The following ELP3 variants were observed in gnomAD, a reference collection of about 807,000 sequenced individuals.
ELP3 encodes elongator complex protein 3.
In ELP3, 56 loss-of-function variants were observed where a neutral mutation model predicts 74.9. The ratio of observed to expected loss-of-function variants is 0.75; its 90% CI spans 0.60 to 0.93. The LOEUF (loss-of-function observed/expected upper bound fraction) is 0.93, where lower values mean the gene tolerates loss of function less well. ELP3 is among the 40% of genes least tolerant of loss of function. The probability of loss-of-function intolerance (pLI) is 0.00; values close to 1 mark genes in which losing one functional copy is unlikely to be tolerated. For missense variants in ELP3, 573 were observed against 686.5 expected, an observed-to-expected ratio of 0.83 and a Z score of 1.85; for synonymous variants, 222 against 239.8, an observed-to-expected ratio of 0.93 and a Z score of 0.68.
At chr8:28,170,826 T>G (rs1049044629) in intron 14 of ELP3, among the ~76,000 whole-genome samples, 1 of 152,190 alleles carries the variant, frequency 6.6e-6, no homozygotes. Context: ...ATCACCATTA[T>G]TTCTAAAATT....
At chr8:28,158,710 C>G in intron 12 of ELP3, 77 bp downstream of exon 12, 1 of 1,174,704 alleles carries the variant, frequency 8.5e-7, no homozygotes, top group East Asian at 2.3e-5. Flanking sequence ...ATATTCTTAA[C>G]CAAGGACAGA....
rs1338869430 is a variant in ELP3, at chr8:28,147,755, AGCC to A, written c.1101-8186_1101-8184del. 6.6e-6 allele frequency among the ~76,000 whole-genome samples: 1 copy of A among 152,176 alleles called. No homozygotes were observed. Among genetic ancestry groups the A allele is most frequent in the Non-Finnish European group, 1.5e-5 (1 of 68,040 alleles). ...TGAGTTCCAAGATTATAGTTTCTAA[AGCC>A]ACTCTCCACTAAAAGAAATCAGTGC... On this transcript the variant is annotated intron_variant, in intron 10 of 14. Coordinates refer to ENST00000256398, the MANE Select transcript of ELP3 (RefSeq NM_018091.6). The surrounding 1 kb of genome is among the most constrained non-coding windows in gnomAD (Gnocchi z 4.5).
intron 14 of ELP3, among the ~76,000 whole-genome samples, chr8:28,189,160 T>G (rs1490478391): frequency 6.6e-6 from 1 of 152,264 alleles, no homozygotes; most frequent in African/African-American, 2.4e-5. Context: ...TAGCCACAAG[T>G]GTACCTTCGC....
At chr8:28,116,718 G>T (rs1173585153) in intron 7 of ELP3, among the ~76,000 whole-genome samples, 2 of 152,128 alleles carry the variant, frequency 1.3e-5, no homozygotes, top group Non-Finnish European at 2.9e-5. Context: ...CAGCCTGGGC[G>T]ACAGAGTGAG....
upstream of ELP3, chr8:28,092,867 T>C: frequency 3.3e-6 from 1 of 300,946 alleles, no homozygotes; most frequent in South Asian, 2.6e-5. Flanking sequence ...CCCTTTCACT[T>C]AGGCTTCCTG....
At chr8:28,146,403 G>A (rs1813433918) in intron 10 of ELP3, among the ~76,000 whole-genome samples, 1 of 152,182 alleles carries the variant, frequency 6.6e-6, no homozygotes. Context: ...AAAAGGCCTA[G>A]ACATCACTTG....
intron 8 of ELP3, 59 bp downstream of exon 8, chr8:28,129,722 C>A: frequency 6.3e-7 from 1 of 1,591,320 alleles, no homozygotes; most frequent in Non-Finnish European, 8.6e-7. Context: ...ATTTTCTCTA[C>A]ATTCATACCC....
intron 10 of ELP3, among the ~76,000 whole-genome samples, chr8:28,142,830 A>G: frequency 6.6e-6 from 1 of 151,920 alleles, no homozygotes; most frequent in East Asian, 1.9e-4. Context: ...TTTAACTATG[A>G]TATTTGTTGT....
chr8:28,110,520 C>T (rs956421381), intron 6 of ELP3, 82 bp downstream of exon 6: 5 of 1,191,286 alleles, frequency 4.2e-6, no homozygotes, highest in Non-Finnish European at 6.0e-6. Context: ...TCAAATTGAA[C>T]CTGAAATAAG....
chr8:28,130,999 C>G (rs1186207181), intron 8 of ELP3, among the ~76,000 whole-genome samples: 1 of 152,128 alleles, frequency 6.6e-6, no homozygotes, highest in Admixed American at 6.5e-5. Context: ...TGTGATGGAG[C>G]ATATCTGCAG....
intron 8 of ELP3, among the ~76,000 whole-genome samples, chr8:28,130,215 T>C (rs1433792415): frequency 6.6e-6 from 1 of 152,202 alleles, no homozygotes; most frequent in Non-Finnish European, 1.5e-5. Context: ...AGGTTAACTG[T>C]ATAAGGAACT....
chr8:28,128,119 C>T (rs1484643888), intron 7 of ELP3, among the ~76,000 whole-genome samples: 1 of 151,996 alleles, frequency 6.6e-6, no homozygotes, highest in Admixed American at 6.6e-5. Context: ...CTCTCATCCT[C>T]CCCCCAAAAT....
Position 28,122,578 on chromosome 8 carries a change from G to A in ELP3, c.618-6924G>A, listed in dbSNP as rs556275920. ...TTTCATTCATTTTGTCAAACATTTT[G>A]GTATTATGTTGCCTTATTAGGCTTT... On this transcript the variant is annotated intron_variant, in intron 7 of 14. Coordinates refer to ENST00000256398, the MANE Select transcript of ELP3 (RefSeq NM_018091.6). Among the ~76,000 whole-genome samples the A allele has an allele frequency of 2.4e-4, 36 of 152,150 alleles. No homozygotes were observed. The South Asian group carries it at 7.5e-3, about 32-fold the overall frequency.
At chr8:28,171,625 G>T (rs1404925646) in intron 14 of ELP3, among the ~76,000 whole-genome samples, 1 of 152,078 alleles carries the variant, frequency 6.6e-6, no homozygotes, top group Non-Finnish European at 1.5e-5. Flanking sequence ...TCACTTTCTT[G>T]ATACTTTCCT....
chr8:28,129,694 T>A (rs762775317), intron 8 of ELP3, 31 bp downstream of exon 8: 2 of 1,611,806 alleles, frequency 1.2e-6, no homozygotes, highest in Admixed American at 3.3e-5. Context: ...CTTGCACAAG[T>A]CTTCCTCCAA....
intron 14 of ELP3, among the ~76,000 whole-genome samples, chr8:28,167,175 A>G (rs1300111434): frequency 6.6e-6 from 1 of 152,188 alleles, no homozygotes; most frequent in Non-Finnish European, 1.5e-5. Context: ...ATGAGTCACT[A>G]TGGAGATGAA....
chr8:28,163,001 C>T (rs910825224), intron 14 of ELP3, among the ~76,000 whole-genome samples: 4 of 152,194 alleles, frequency 2.6e-5, no homozygotes, highest in South Asian at 2.1e-4. Flanking sequence ...GATTCCTTCA[C>T]CTTAAGATAC....
intron 10 of ELP3, among the ~76,000 whole-genome samples, chr8:28,148,452 A>G (rs1026017502): frequency 6.6e-6 from 1 of 152,194 alleles, no homozygotes; most frequent in Admixed American, 6.5e-5. Flanking sequence ...ACAGGGCATC[A>G]TTTCTGTGGT....
intron 3 of ELP3, among the ~76,000 whole-genome samples, chr8:28,106,222 T>C (rs1811680852): frequency 6.6e-6 from 1 of 152,158 alleles, no homozygotes; most frequent in African/African-American, 2.4e-5. Flanking sequence ...CAGAGATCAC[T>C]CTTGTACCCA....
Sources: allele counts gnomAD v4.1 joint callset (sites outside exome capture counted in the v4.1 genomes callset), GRCh38; gene constraint gnomAD v4.1.1; non-coding constraint Gnocchi (gnomAD v3.1); transcripts MANE v1.5; gene names NCBI Gene and HGNC (gene_info 2026-07-23, HGNC 2026-07-21).